Variants in DACH2 observed in about 807,000 individuals in gnomAD.
DACH2 encodes dachshund homolog 2.
A neutral mutation model predicts 35.8 loss-of-function variants in DACH2; 17 were observed. The observed-to-expected ratio is 0.48, with a 90% confidence interval of 0.33 to 0.71. DACH2 has a LOEUF of 0.71. Among genes scored for constraint, DACH2 ranks in the 30% least tolerant of loss-of-function variants. The probability of loss-of-function intolerance (pLI) is 0.02; values close to 1 mark genes in which losing one functional copy is unlikely to be tolerated. For synonymous variants in DACH2, 195 were observed against 177.3 expected (o/e 1.10, Z -0.79); for missense variants, 469 against 472.7 (o/e 0.99, Z 0.07).
chrX:86,463,077 CA>C (rs916870551), intron 2 of DACH2, among the ~76,000 whole-genome samples: 1 of 111,252 alleles, frequency 9.0e-6, no homozygotes, highest in African/African-American at 3.3e-5. Flanking sequence ...ATTCTGATTG[CA>C]AAGCACTACG....
rs1465231727 is a variant in DACH2 at position 86,557,736 on chromosome X, G to A, written c.640+43345G>A. Among the ~76,000 whole-genome samples the A allele has an allele frequency of 1.3e-4, 7 of 55,020 alleles. No homozygotes were observed. In the East Asian group the frequency reaches 3.1e-3, roughly 25 times the overall value. 47.8% of individuals were successfully genotyped at this position (55,020 alleles called of 115,157 possible). ...ATGGGAGTTCACTCATGATTTGGCT[G>A]TTTGTCTGTTGTTGGTGTATAAGAA... On this transcript the variant is annotated intron_variant, in intron 3 of 11. Coordinates refer to ENST00000373125, the MANE Select transcript of DACH2 (RefSeq NM_053281.3).
chrX:86,581,167 C>T (rs754278980), intron 3 of DACH2, among the ~76,000 whole-genome samples: 117 of 111,480 alleles, frequency 1.0e-3, no homozygotes, highest in Non-Finnish European at 1.8e-3. Flanking sequence ...CCTTCTAATA[C>T]AAGCAAATGC....
chrX:86,401,820 C>T (rs189771424), intron 2 of DACH2, among the ~76,000 whole-genome samples: 82 of 110,243 alleles, frequency 7.4e-4, no homozygotes, highest in Non-Finnish European at 1.3e-3. Flanking sequence ...GGCAGCACAT[C>T]AAAAAGTTAA....
At chrX:86,270,357 C>G (rs1057293152) in intron 1 of DACH2, among the ~76,000 whole-genome samples, 4 of 110,967 alleles carry the variant, frequency 3.6e-5, no homozygotes, top group African/African-American at 9.8e-5. Flanking sequence ...ACATAGATTG[C>G]TTTTTGAGAC....
chrX:86,547,583 G>A (rs1420129025), intron 3 of DACH2, among the ~76,000 whole-genome samples: 1 of 108,502 alleles, frequency 9.2e-6, no homozygotes, highest in Non-Finnish European at 1.9e-5. Flanking sequence ...GCTGCCTATA[G>A]TGAAACACAT....
chrX:86,642,775 A>G (rs991506558), intron 3 of DACH2, among the ~76,000 whole-genome samples: 67 of 112,469 alleles, frequency 6.0e-4, no homozygotes, highest in African/African-American at 2.0e-3. Flanking sequence ...CCACAGCTCA[A>G]TAAAAATAGA....
At chrX:86,493,128 T>C (rs2038117174) in intron 2 of DACH2, among the ~76,000 whole-genome samples, 1 of 111,458 alleles carries the variant, frequency 9.0e-6, no homozygotes, top group Admixed American at 9.6e-5. Flanking sequence ...TCTTGTTTTG[T>C]TTTTTTGTTT....
At chrX:86,617,483 C>A (rs187235712) in intron 3 of DACH2, among the ~76,000 whole-genome samples, 2 of 109,414 alleles carry the variant, frequency 1.8e-5, no homozygotes, top group African/African-American at 3.3e-5. Context: ...CATCGTTGAA[C>A]TTTCTCCTCT....
chrX:86,645,437 T>A (rs1280437035), intron 3 of DACH2, among the ~76,000 whole-genome samples: 2 of 111,420 alleles, frequency 1.8e-5, no homozygotes, highest in East Asian at 5.6e-4. Context: ...AGGGAACACT[T>A]ATACACTGTT....
At chrX:86,557,416 G>A (rs1021217061) in intron 3 of DACH2, among the ~76,000 whole-genome samples, 3 of 107,394 alleles carry the variant, frequency 2.8e-5, no homozygotes, top group Non-Finnish European at 3.9e-5. Flanking sequence ...GATTGACTTG[G>A]CGATGCGGGC....
intron 6 of DACH2, among the ~76,000 whole-genome samples, chrX:86,737,859 C>T (rs762883445): frequency 9.0e-6 from 1 of 111,700 alleles, no homozygotes; most frequent in Admixed American, 9.5e-5. Context: ...ATCCTGTCAC[C>T]TAGGTAGTGA....
chrX:86,790,989 G>GA (rs756036040), intron 7 of DACH2, among the ~76,000 whole-genome samples: 3 of 111,496 alleles, frequency 2.7e-5, no homozygotes, highest in South Asian at 7.5e-4. Context: ...CAGTAAGCTA[G>GA]AAAAAAGAAA....
chrX:86,498,934 G>A (rs926414157), intron 2 of DACH2, among the ~76,000 whole-genome samples: 2 of 111,483 alleles, frequency 1.8e-5, no homozygotes, highest in African/African-American at 3.3e-5. Context: ...ACTTTTAAAT[G>A]TTGTTTCTGG....
intron 1 of DACH2, among the ~76,000 whole-genome samples, chrX:86,338,003 C>A (rs2035346286): frequency 8.9e-6 from 1 of 111,962 alleles, no homozygotes; most frequent in Non-Finnish European, 1.9e-5. Context: ...GGGATTAATG[C>A]AACAAGAACT....
At chrX:86,338,171 A>G (rs2035350095) in intron 1 of DACH2, among the ~76,000 whole-genome samples, 1 of 111,640 alleles carries the variant, frequency 9.0e-6, no homozygotes, top group South Asian at 3.7e-4. Context: ...ACACAAAATT[A>G]GTAAGGATAT....
chrX:86,793,232 G>GT lies in DACH2; in HGVS notation c.1241-19615dup, dbSNP rs748629498. ...GATTATTAGGTTTTTGGTTTTTTGGGTTTTTTTTTGCTATTGAGTTGTTTG... is the reference window on the plus strand; with the variant it reads ...GATTATTAGGTTTTTGGTTTTTTGGGTTTTTTTTTTGCTATTGAGTTGTTTG... On this transcript the variant is annotated intron_variant, in intron 7 of 11. Transcript: ENST00000373125. Among the ~76,000 whole-genome samples, 848 of 108,170 alleles carry GT rather than the reference G, an allele frequency of 7.8e-3. 10 individuals carry two copies. The highest frequency in any genetic ancestry group is 0.025 in the African/African-American group (751 of 29,792). The allele number at this position is 108,170 out of a possible 115,157, so 93.9% of individuals were successfully genotyped here. A position where few individuals can be genotyped will look rare whatever the true frequency, so the allele number is the denominator to read the frequency against.
intron 3 of DACH2, among the ~76,000 whole-genome samples, chrX:86,622,618 T>G (rs16980611): frequency 0.014 from 1,554 of 111,870 alleles, 30 homozygotes; most frequent in African/African-American, 0.048. Context: ...TTAGGTCTTT[T>G]GATGAAAATG....
chrX:86,703,541 A>T, intron 5 of DACH2, among the ~76,000 whole-genome samples: 1 of 111,802 alleles, frequency 8.9e-6, no homozygotes, highest in Non-Finnish European at 1.9e-5. Flanking sequence ...CTATCAAAGG[A>T]TTTCAAGACA....
intron 3 of DACH2, among the ~76,000 whole-genome samples, chrX:86,537,097 A>G (rs1398426991): frequency 9.0e-6 from 1 of 111,116 alleles, no homozygotes; most frequent in African/African-American, 3.3e-5. Context: ...GCTATGCCCC[A>G]CATTCCTTGC....
Sources: allele counts gnomAD v4.1 joint callset (sites outside exome capture counted in the v4.1 genomes callset), GRCh38; gene constraint gnomAD v4.1.1; transcripts MANE v1.5; gene names NCBI Gene and HGNC (gene_info 2026-07-23, HGNC 2026-07-21).